CSMD1: variants seen among roughly 807,000 people sequenced by gnomAD.
CSMD1 encodes CUB and sushi domain-containing protein 1.
A neutral mutation model predicts 417.5 loss-of-function variants in CSMD1; 213 were observed. The ratio of observed to expected loss-of-function variants is 0.51; its 90% CI spans 0.46 to 0.57. The LOEUF (loss-of-function observed/expected upper bound fraction) is 0.57, where lower values mean the gene tolerates loss of function less well. CSMD1 is among the 20% of genes least tolerant of loss of function. The pLI is 0.00. For synonymous variants in CSMD1, 2,862 were observed against 1,736.8 expected, an observed-to-expected ratio of 1.65 and a Z score of -16.11; for missense variants, 6,923 against 4,529.7, an observed-to-expected ratio of 1.53 and a Z score of -15.17.
chr8:3,651,958 C>A (rs550337749), intron 7 of CSMD1, among the ~76,000 whole-genome samples: 2 of 150,420 alleles, frequency 1.3e-5, no homozygotes, highest in East Asian at 4.0e-4. Context: ...ACCATCAGAG[C>A]GCCATCACCA....
intron 5 of CSMD1, among the ~76,000 whole-genome samples, chr8:3,895,583 T>C (rs990474141): frequency 2.6e-5 from 4 of 152,324 alleles, no homozygotes; most frequent in Middle Eastern, 3.4e-3. Context: ...TGGATTTACC[T>C]TTCTAATGCC....
intron 2 of CSMD1, among the ~76,000 whole-genome samples, chr8:4,506,372 G>T (rs146024933): frequency 5.3e-5 from 8 of 151,304 alleles, no homozygotes; most frequent in African/African-American, 1.9e-4. Flanking sequence ...TTTTCCATGA[G>T]CCCAAGTCTA....
At chr8:3,612,793 T>A (rs75411310) in intron 8 of CSMD1, among the ~76,000 whole-genome samples, 1 of 151,920 alleles carries the variant, frequency 6.6e-6, no homozygotes, top group African/African-American at 2.4e-5. Flanking sequence ...TAGAGGAAAA[T>A]TGATAGCAGT....
chr8:3,703,124 A>G (rs1365125991), intron 7 of CSMD1, among the ~76,000 whole-genome samples: 3 of 152,186 alleles, frequency 2.0e-5, no homozygotes, highest in Admixed American at 6.5e-5. Context: ...TTCTTCAAAC[A>G]TTACTGATTA....
chr8:4,368,966 G>T (rs28862097), intron 3 of CSMD1, among the ~76,000 whole-genome samples: 42,999 of 151,852 alleles, frequency 0.28, 6,024 homozygotes, highest in East Asian at 0.35. Flanking sequence ...GTTCAGCTCT[G>T]ATTTTGGTTA....
intron 26 of CSMD1, among the ~76,000 whole-genome samples, chr8:3,269,651 A>G (rs1428061601): frequency 6.6e-6 from 1 of 152,232 alleles, no homozygotes; most frequent in Non-Finnish European, 1.5e-5. Context: ...GGGAGCTGAC[A>G]GTGCCACACT....
At chr8:3,698,145 A>T (rs575385610) in intron 7 of CSMD1, among the ~76,000 whole-genome samples, 1 of 152,198 alleles carries the variant, frequency 6.6e-6, no homozygotes, top group African/African-American at 2.4e-5. Context: ...GCTGTTCTCA[A>T]ATCTATCTAG....
At chr8:4,796,294 G>T (rs534566423) in intron 1 of CSMD1, among the ~76,000 whole-genome samples, 7 of 151,966 alleles carry the variant, frequency 4.6e-5, no homozygotes, top group African/African-American at 1.7e-4. Context: ...TTGGCAGAAG[G>T]CATTCCATGG....
At chr8:3,670,756 A>G (rs1209236820) in intron 7 of CSMD1, among the ~76,000 whole-genome samples, 1 of 150,678 alleles carries the variant, frequency 6.6e-6, no homozygotes, top group African/African-American at 2.4e-5. Context: ...TATGGGATAT[A>G]TATGTATGGG....
At chr8:4,490,732 A>G (rs1042226750) in intron 2 of CSMD1, among the ~76,000 whole-genome samples, 14 of 152,214 alleles carry the variant, frequency 9.2e-5, no homozygotes, top group Admixed American at 9.2e-4. Context: ...AGAGGCCAGA[A>G]GCCAGGATAA....
chr8:4,299,638 T>G (rs897812634), intron 3 of CSMD1, among the ~76,000 whole-genome samples: 1 of 152,148 alleles, frequency 6.6e-6, no homozygotes, highest in Non-Finnish European at 1.5e-5. Context: ...TACACTATCT[T>G]TCTTTTCTTT....
rs1342806414 is a variant in CSMD1, at chr8:3,188,870, G to A, written c.5523+17C>T. The A allele has an allele frequency of 1.3e-6, 2 of 1,547,224 alleles. No homozygotes were observed. The highest frequency in any genetic ancestry group is 1.7e-6 in the Non-Finnish European group (2 of 1,144,556). Reference sequence around the variant, plus strand: ...CCAGCTGAGCCCTGTTGTAGACTGTGGACTTCAAGGACTCACCTGAATTCC... The same window carrying A: ...CCAGCTGAGCCCTGTTGTAGACTGTAGACTTCAAGGACTCACCTGAATTCC... On this transcript the variant is annotated intron_variant, in intron 35 of 69. Coordinates refer to ENST00000635120, the MANE Select transcript of CSMD1 (RefSeq NM_033225.6).
chr8:3,993,969 G>C (rs1276880180), intron 5 of CSMD1, among the ~76,000 whole-genome samples: 1 of 152,146 alleles, frequency 6.6e-6, no homozygotes, highest in Non-Finnish European at 1.5e-5. Context: ...TAAAGACAGG[G>C]ATGGGTTCAC....
At chr8:4,951,264 G>C (rs747149390) in intron 1 of CSMD1, among the ~76,000 whole-genome samples, 1 of 152,088 alleles carries the variant, frequency 6.6e-6, no homozygotes, top group African/African-American at 2.4e-5. Context: ...TGCTGATAAC[G>C]ACTTTTAGTC....
In CSMD1 at chr8:3,708,358, C is replaced by G. The variant is rs1234262981; in HGVS notation, c.1009+56G>C. 42 of 1,470,316 alleles carry G rather than the reference C, an allele frequency of 2.9e-5. No individual in the cohort carries two copies. In the Middle Eastern group the frequency reaches 1.5e-3, roughly 54 times the overall value. The allele number at this position is 1,470,316 out of a possible 1,614,324, so 91.1% of individuals were successfully genotyped here. A position where few individuals can be genotyped will look rare whatever the true frequency, so the allele number is the denominator to read the frequency against. On this transcript the variant is annotated intron_variant, in intron 7 of 69. Coordinates refer to ENST00000635120, the MANE Select transcript of CSMD1 (RefSeq NM_033225.6). ...GGGATCGCTTCTTAACTGCTCCATT[C>G]TCTCCTCTGCTTACAAGGGCGTATC... is the stretch of plus-strand genomic sequence containing the variant.
rs187272408 is a variant in CSMD1 at position 3,185,107 on chromosome 8, C to G, written c.5620+2762G>C. On this transcript the variant is annotated intron_variant, in intron 36 of 69. Transcript: ENST00000635120. Reference sequence around the variant, plus strand: ...GACCATGGACCCCCTAAATTTATAGCCAGTTGGTCAGAGTGCAGGTGGCCT... The same window carrying G: ...GACCATGGACCCCCTAAATTTATAGGCAGTTGGTCAGAGTGCAGGTGGCCT... 2.6e-5 allele frequency among the ~76,000 whole-genome samples: 4 copies of G among 152,344 alleles called. No individual in the cohort carries two copies. In the East Asian group the frequency reaches 5.8e-4, roughly 22 times the overall value.
intron 28 of CSMD1, among the ~76,000 whole-genome samples, chr8:3,222,244 A>G (rs893282564): frequency 3.3e-5 from 5 of 152,146 alleles, no homozygotes; most frequent in Non-Finnish European, 7.3e-5. Flanking sequence ...AACTGCCTTA[A>G]ATATGCATAT....
chr8:4,372,395 G>A (rs1280190328), intron 3 of CSMD1, among the ~76,000 whole-genome samples: 1 of 152,004 alleles, frequency 6.6e-6, no homozygotes, highest in Non-Finnish European at 1.5e-5. Context: ...CTGTCAAAAG[G>A]TAATCATTTC....
chr8:4,073,116 A>C (rs1028655203), intron 3 of CSMD1, among the ~76,000 whole-genome samples: 1 of 152,144 alleles, frequency 6.6e-6, no homozygotes, highest in Non-Finnish European at 1.5e-5. Context: ...TACCATCATG[A>C]TTCTAGAAAT....
Sources: allele counts gnomAD v4.1 joint callset (sites outside exome capture counted in the v4.1 genomes callset), GRCh38; gene constraint gnomAD v4.1.1; transcripts MANE v1.5; gene names NCBI Gene and HGNC (gene_info 2026-07-23, HGNC 2026-07-21).